The following ZMYM5 variants were observed in gnomAD, a reference collection of about 807,000 sequenced individuals.
ZMYM5 encodes the protein zinc finger MYM-type containing 5.
A neutral mutation model predicts 61.8 loss-of-function variants in ZMYM5; 41 were observed. The ratio of observed to expected loss-of-function variants is 0.66; its 90% CI spans 0.52 to 0.86. The LOEUF (loss-of-function observed/expected upper bound fraction) is 0.86, where lower values mean the gene tolerates loss of function less well. Among genes scored for constraint, ZMYM5 ranks in the 40% least tolerant of loss-of-function variants. The pLI, the probability that ZMYM5 is intolerant of heterozygous loss-of-function variation, is 0.00. For synonymous variants in ZMYM5, 257 were observed against 276.4 expected, an observed-to-expected ratio of 0.93 and a Z score of 0.70; for missense variants, 706 against 786.7, an observed-to-expected ratio of 0.90 and a Z score of 1.23.
At chr13:19,826,623 C>T (rs372291749) in intron 7 of ZMYM5, among the ~76,000 whole-genome samples, 9 of 151,748 alleles carry the variant, frequency 5.9e-5, no homozygotes, top group East Asian at 1.9e-4. Flanking sequence ...GGCATGGTGG[C>T]GGGCACCTGT....
chr13:19,861,904 G>T (rs775555675), intron 2 of ZMYM5, among the ~76,000 whole-genome samples: 1 of 151,758 alleles, frequency 6.6e-6, no homozygotes, highest in Non-Finnish European at 1.5e-5. Context: ...AACAGAGAGA[G>T]ATCAGGCCAC....
chr13:19,843,823 G>C (rs1593883227), intron 4 of ZMYM5, among the ~76,000 whole-genome samples: 1 of 143,742 alleles, frequency 7.0e-6, no homozygotes, highest in Non-Finnish European at 1.5e-5. Context: ...GTGACAGAGT[G>C]AGACTCTGTC....
intron 2 of ZMYM5, among the ~76,000 whole-genome samples, chr13:19,859,099 T>A (rs1333026937): frequency 6.6e-6 from 1 of 151,956 alleles, no homozygotes; most frequent in Non-Finnish European, 1.5e-5. Flanking sequence ...GCCACTGCAT[T>A]CCAGCCTGGG....
At chr13:19,850,151 C>A (rs1347157954) in intron 4 of ZMYM5, among the ~76,000 whole-genome samples, 2 of 151,790 alleles carry the variant, frequency 1.3e-5, no homozygotes, top group Non-Finnish European at 2.9e-5. Context: ...ATAAAAGCAA[C>A]AAAAAGGCAT....
chr13:19,845,727 A>C (rs951683002), intron 4 of ZMYM5, among the ~76,000 whole-genome samples: 29 of 152,332 alleles, frequency 1.9e-4, no homozygotes, highest in African/African-American at 6.5e-4. Flanking sequence ...CCAAATGAAG[A>C]AGCTCATAAG....
chr13:19,852,683 A>T (rs1953357981), intron 2 of ZMYM5, among the ~76,000 whole-genome samples: 1 of 152,146 alleles, frequency 6.6e-6, no homozygotes, highest in East Asian at 1.9e-4. Context: ...CATTAAGTCC[A>T]TTTATGCCAG....
intron 7 of ZMYM5, among the ~76,000 whole-genome samples, chr13:19,833,495 T>G (rs1310565205): frequency 6.6e-6 from 1 of 152,216 alleles, no homozygotes; most frequent in East Asian, 1.9e-4. Flanking sequence ...TTAGCCCATT[T>G]GTTTATATAC....
chr13:19,824,378 G>A lies in ZMYM5; in HGVS notation c.*99C>T. The A allele has an allele frequency of 9.4e-7, 1 of 1,062,968 alleles. No homozygotes were observed. The highest frequency in any genetic ancestry group is 1.2e-6 in the Non-Finnish European group (1 of 850,152). 65.8% of individuals were successfully genotyped at this position (1,062,968 alleles called of 1,614,324 possible). ...AGGAACTGCTGCAAGTTACTCTGTA[G>A]AGGAGACTTACAACACAATAGTACT... On this transcript the variant is annotated 3_prime_UTR_variant, in exon 8 of 8. Coordinates refer to ENST00000337963, the MANE Select transcript of ZMYM5 (RefSeq NM_001142684.2).
intron 4 of ZMYM5, chr13:19,841,875 G>C (rs1952890233): frequency 1.3e-5 from 2 of 151,990 alleles, no homozygotes; most frequent in Non-Finnish European, 2.9e-5. Flanking sequence ...GGAGTGCAGG[G>C]GCGTGATCTC....
intron 4 of ZMYM5, among the ~76,000 whole-genome samples, chr13:19,843,006 G>C (rs1235973346): frequency 1.3e-5 from 2 of 150,294 alleles, no homozygotes; most frequent in Non-Finnish European, 3.0e-5. Context: ...CATGGACATG[G>C]AGTTTCGCTA....
At chr13:19,843,929 T>C (rs1456549597) in intron 4 of ZMYM5, among the ~76,000 whole-genome samples, 2 of 150,760 alleles carry the variant, frequency 1.3e-5, no homozygotes, top group African/African-American at 4.9e-5. Context: ...GGTCAGGGGA[T>C]CGGACCATCC....
chr13:19,839,099 G>T, intron 4 of ZMYM5, 114 bp from the exon 5 acceptor site: 1 of 1,296,254 alleles, frequency 7.7e-7, no homozygotes, highest in Non-Finnish European at 1.1e-6. Flanking sequence ...GTATAAACAT[G>T]TGGTTAAGGC....
intron 7 of ZMYM5, among the ~76,000 whole-genome samples, chr13:19,827,705 A>T (rs1226127881): frequency 2.0e-5 from 3 of 152,006 alleles, no homozygotes; most frequent in African/African-American, 7.3e-5. Context: ...AAATTATAAT[A>T]AAAAAACTAA....
chr13:19,851,920 T>A lies in ZMYM5; in HGVS notation c.261A>T (p.Ser87=). ...AATTTCCTTGAGGCTTTTCATTTTT[T>A]GATGATGCAAATATGAAGTTTCTTT... is the stretch of plus-strand genomic sequence containing the variant. ...ADQRNFIFAS[S]KNEKPQGNYS... The change falls in exon 3 of 8, where the codon TCA becomes TCT. Residue 87 remains serine, a synonymous_variant. Transcript: ENST00000337963. 1 of 1,613,176 alleles carries A rather than the reference T, an allele frequency of 6.2e-7. No individual in the cohort carries two copies. Among genetic ancestry groups the A allele is most frequent in the Non-Finnish European group, 8.5e-7 (1 of 1,179,836 alleles).
At chr13:19,827,299 A>C (rs1890960441) in intron 7 of ZMYM5, among the ~76,000 whole-genome samples, 1 of 152,218 alleles carries the variant, frequency 6.6e-6, no homozygotes, top group Non-Finnish European at 1.5e-5. Context: ...AAACACACAC[A>C]AATATGAAGA....
chr13:19,831,787 C>CAAAAAAAA (rs1190448216), intron 7 of ZMYM5, among the ~76,000 whole-genome samples: 1 of 36,686 alleles, frequency 2.7e-5, no homozygotes, highest in East Asian at 9.7e-4. Flanking sequence ...GACTCTGTCT[C>CAAAAAAAA]AAAAAAAAAA....
intron 2 of ZMYM5, among the ~76,000 whole-genome samples, chr13:19,861,868 A>G (rs772086556): frequency 1.1e-4 from 16 of 151,962 alleles, no homozygotes; most frequent in Admixed American, 4.6e-4. Flanking sequence ...AAAACCCGAA[A>G]AAACAAAAAC....
chr13:19,839,530 C>A (rs926304122), intron 4 of ZMYM5, among the ~76,000 whole-genome samples: 2 of 151,698 alleles, frequency 1.3e-5, no homozygotes, highest in Non-Finnish European at 2.9e-5. Flanking sequence ...CTGGGATTAC[C>A]CAGCTAAATT....
chr13:19,825,249 G>A lies in ZMYM5; in HGVS notation c.1252-14C>T, dbSNP rs893337250. The A allele has an allele frequency of 3.5e-5, 43 of 1,230,320 alleles. No individual in the cohort carries two copies. Among genetic ancestry groups the A allele is most frequent in the Non-Finnish European group, 3.8e-5 (37 of 961,502 alleles). 76.2% of individuals were successfully genotyped at this position (1,230,320 alleles called of 1,614,324 possible). A position where few individuals can be genotyped will look rare whatever the true frequency, so the allele number is the denominator to read the frequency against. On this transcript the variant is annotated splice_polypyrimidine_tract_variant and intron_variant, in intron 7 of 7. Transcript: ENST00000337963. ...TGTTTCCATCATCTGAGGACAAAGA[G>A]GATTATAATTTTATTTTAGGTTAAA...
Sources: gnomAD v4.1 joint callset for allele counts (sites outside exome capture counted in the v4.1 genomes callset) on GRCh38, gnomAD v4.1.1 for gene constraint, MANE v1.5 for transcripts, NCBI Gene and HGNC (gene_info 2026-07-23, HGNC 2026-07-21) for gene names.